Variants in KCNIP1 observed in about 807,000 individuals in gnomAD.
KCNIP1 encodes the protein potassium voltage-gated channel interacting protein 1.
In KCNIP1, 18 loss-of-function variants were observed where a neutral mutation model predicts 33.0. The observed-to-expected ratio is 0.55, with a 90% CI of 0.38 to 0.81. The LOEUF (loss-of-function observed/expected upper bound fraction) is 0.81. Among genes scored for constraint, KCNIP1 ranks in the 30% least tolerant of loss-of-function variants. KCNIP1 has a pLI of 0.00. For synonymous variants in KCNIP1, 93 were observed against 98.3 expected, an observed-to-expected ratio of 0.95 and a Z score of 0.32; for missense variants, 238 against 271.6, an observed-to-expected ratio of 0.88 and a Z score of 0.87.
At chr5:170,694,938 T>A (rs900317778) in intron 1 of KCNIP1, among the ~76,000 whole-genome samples, 2 of 152,220 alleles carry the variant, frequency 1.3e-5, no homozygotes, top group African/African-American at 4.8e-5. Context: ...CTAGCTGCTT[T>A]CCAAGGACTT....
At chr5:170,385,982 C>T (rs145255869) in intron 1 of KCNIP1, among the ~76,000 whole-genome samples, 3,925 of 151,456 alleles carry the variant, frequency 0.026, 59 homozygotes, top group African/African-American at 0.04. Flanking sequence ...AAAAATTAGC[C>T]GGGTGTGGTC....
chr5:170,657,432 C>T (rs895501958), intron 1 of KCNIP1, among the ~76,000 whole-genome samples: 1 of 152,164 alleles, frequency 6.6e-6, no homozygotes. Context: ...GGCAGGCACC[C>T]ACCACCGCCT....
At position 170,455,700 on chromosome 5, in the gene KCNIP1, TGAA is replaced by T. The variant is rs769307390; in HGVS notation, c.88+101743_88+101745del. Among the ~76,000 whole-genome samples the T allele has an allele frequency of 2.0e-4, 30 of 152,140 alleles. 1 individual carries two copies. The highest frequency in any genetic ancestry group is 1.7e-3 in the Admixed American group (26 of 15,280). On this transcript the variant is annotated intron_variant, in intron 1 of 7. Coordinates refer to the KCNIP1 transcript ENST00000377360. ...ACATACCCATAAGTAACCAATTGGTTGAAGAAGAAATCACAAAATAAATGAGAA... is the reference window on the plus strand; with the variant it reads ...ACATACCCATAAGTAACCAATTGGTTGAAGAAATCACAAAATAAATGAGAA...
chr5:170,510,658 A>G (rs1383279510), intron 1 of KCNIP1, among the ~76,000 whole-genome samples: 1 of 152,196 alleles, frequency 6.6e-6, no homozygotes, highest in Non-Finnish European at 1.5e-5. Flanking sequence ...AGTGGTAGTC[A>G]GTTGGGATAT....
chr5:170,390,654 G>A (rs1300919903), intron 1 of KCNIP1, among the ~76,000 whole-genome samples: 1 of 151,592 alleles, frequency 6.6e-6, no homozygotes, highest in African/African-American at 2.4e-5. Flanking sequence ...CAAAGAACCT[G>A]AAACTGAGAC....
At chr5:170,398,357 T>G (rs1230265217) in intron 1 of KCNIP1, among the ~76,000 whole-genome samples, 1 of 152,254 alleles carries the variant, frequency 6.6e-6, no homozygotes, top group Admixed American at 6.5e-5. Context: ...GGTTTCTACA[T>G]TTTTAAGATT....
chr5:170,531,510 C>T (rs1755787400), intron 1 of KCNIP1, among the ~76,000 whole-genome samples: 2 of 152,194 alleles, frequency 1.3e-5, no homozygotes, highest in African/African-American at 4.8e-5. Context: ...ACCAAATCAT[C>T]CCCGGGCAAG....
chr5:170,514,496 G>A (rs1022539530), intron 1 of KCNIP1, among the ~76,000 whole-genome samples: 1 of 152,182 alleles, frequency 6.6e-6, no homozygotes, highest in South Asian at 2.1e-4. Flanking sequence ...TGTAGGCCCT[G>A]ACACTAAAAT....
At chr5:170,363,513 G>C (rs550058965) in intron 1 of KCNIP1, among the ~76,000 whole-genome samples, 5 of 152,294 alleles carry the variant, frequency 3.3e-5, no homozygotes, top group African/African-American at 1.2e-4. Context: ...GCCAGGAAAA[G>C]AAACTTCATC....
chr5:170,602,232 A>G (rs1461302456), intron 1 of KCNIP1, among the ~76,000 whole-genome samples: 3 of 152,184 alleles, frequency 2.0e-5, no homozygotes. Context: ...CGTGGCACTG[A>G]TCTGGTCCTC....
At chr5:170,617,627 A>G (rs1759436722) in intron 1 of KCNIP1, among the ~76,000 whole-genome samples, 1 of 152,232 alleles carries the variant, frequency 6.6e-6, no homozygotes, top group Admixed American at 6.5e-5. Context: ...TGGGGCCTCC[A>G]GGGTCCTAAA....
intron 1 of KCNIP1, among the ~76,000 whole-genome samples, chr5:170,537,358 T>C (rs1261142721): frequency 6.6e-6 from 1 of 152,214 alleles, no homozygotes; most frequent in African/African-American, 2.4e-5. Context: ...AGTGGAGCCA[T>C]GTGGAGCAAC....
chr5:170,370,187 T>G (rs375462669), intron 1 of KCNIP1, among the ~76,000 whole-genome samples: 1 of 151,492 alleles, frequency 6.6e-6, no homozygotes, highest in African/African-American at 2.4e-5. Context: ...CGGCAGGAGG[T>G]AGTTCTCTGA....
intron 1 of KCNIP1, among the ~76,000 whole-genome samples, chr5:170,457,359 C>T (rs1756407560): frequency 6.6e-6 from 1 of 152,168 alleles, no homozygotes; most frequent in South Asian, 2.1e-4. Flanking sequence ...ACGGAGAGGC[C>T]CTGGAGGGGC....
intron 4 of KCNIP1, among the ~76,000 whole-genome samples, 178 bp from the exon 5 acceptor site, chr5:170,722,535 G>T (rs1391727472): frequency 6.6e-6 from 1 of 152,008 alleles, no homozygotes; most frequent in African/African-American, 2.4e-5. Flanking sequence ...AAAAAAATGG[G>T]GCAGGGTAGG....
intron 1 of KCNIP1, among the ~76,000 whole-genome samples, chr5:170,416,710 A>G (rs1238886877): frequency 4.7e-5 from 2 of 42,808 alleles, no homozygotes; most frequent in African/African-American, 1.5e-4. Context: ...CCTGCCTAGA[A>G]AAAAAAAAAG....
chr5:170,552,655 G>A (rs142898900), intron 1 of KCNIP1, among the ~76,000 whole-genome samples: 2 of 152,214 alleles, frequency 1.3e-5, no homozygotes, highest in Admixed American at 6.5e-5. Context: ...AAATGAAAGG[G>A]AGGGTGGTAG....
chr5:170,718,971 T>C, intron 2 of KCNIP1, 89 bp downstream of exon 2: 2 of 1,518,476 alleles, frequency 1.3e-6, no homozygotes, highest in Non-Finnish European at 1.8e-6. Context: ...ATAAGGCGTT[T>C]CCCATATGTG....
At chr5:170,598,621 A>G (rs945953269) in intron 1 of KCNIP1, among the ~76,000 whole-genome samples, 4 of 152,152 alleles carry the variant, frequency 2.6e-5, no homozygotes, top group Non-Finnish European at 5.9e-5. Flanking sequence ...CTTTTATCCA[A>G]AGACACAGAG....
Sources: allele counts gnomAD v4.1 joint callset (sites outside exome capture counted in the v4.1 genomes callset), GRCh38; gene constraint gnomAD v4.1.1; transcripts MANE v1.5; gene names NCBI Gene and HGNC (gene_info 2026-07-23, HGNC 2026-07-21).